Variants in BNC2 observed in about 807,000 individuals in gnomAD.
BNC2 encodes the protein zinc finger protein basonuclin-2.
BNC2 carries 20 observed loss-of-function variants against 76.3 expected under a neutral mutation model. That is an observed-to-expected ratio of 0.26 (90% CI 0.18 to 0.38). BNC2 has a LOEUF of 0.38. Ranked by LOEUF, BNC2 falls within the 10% of genes least tolerant of loss-of-function variation. The probability of loss-of-function intolerance (pLI) is 1.00; values close to 1 mark genes in which losing one functional copy is unlikely to be tolerated. For missense variants in BNC2, 1,382 were observed against 1,399.8 expected, an observed-to-expected ratio of 0.99 and a Z score of 0.20; for synonymous variants, 582 against 514.8, an observed-to-expected ratio of 1.13 and a Z score of -1.77.
At chr9:16,611,524 A>C (rs981825703) in intron 3 of BNC2, among the ~76,000 whole-genome samples, 2 of 152,184 alleles carry the variant, frequency 1.3e-5, no homozygotes, top group African/African-American at 2.4e-5. Flanking sequence ...AATTTAGAAT[A>C]CTTGTTGCTG....
chr9:16,698,949 C>A lies in BNC2; in HGVS notation c.330+28848G>T, dbSNP rs151236738. ...TCAGATCTGCCCTATGAACACATAT[C>A]CTTTTGTACAGAAGTTGTATTTAAA... On this transcript the variant is annotated intron_variant, in intron 3 of 6. Transcript: ENST00000380672. Among the ~76,000 whole-genome samples the A allele has an allele frequency of 1.4e-3, 218 of 152,230 alleles. 2 individuals are homozygous for A. Among genetic ancestry groups the A allele is most frequent in the African/African-American group, 4.9e-3 (202 of 41,534 alleles).
At chr9:16,508,733 C>T (rs1822687516) in intron 5 of BNC2, among the ~76,000 whole-genome samples, 1 of 152,068 alleles carries the variant, frequency 6.6e-6, no homozygotes, top group South Asian at 2.1e-4. Flanking sequence ...CAACTATCTG[C>T]TTTTCTTCTA....
intron 1 of BNC2, among the ~76,000 whole-genome samples, chr9:16,775,034 G>C (rs1415389399): frequency 6.6e-6 from 1 of 152,094 alleles, no homozygotes; most frequent in Non-Finnish European, 1.5e-5. Flanking sequence ...ATTATTTCTA[G>C]GTTCCTTTAG....
chr9:16,446,995 T>C (rs1195673030), intron 5 of BNC2, among the ~76,000 whole-genome samples: 1 of 152,134 alleles, frequency 6.6e-6, no homozygotes, highest in Non-Finnish European at 1.5e-5. Context: ...AAGGAGTAAA[T>C]TACTTTCTGC....
chr9:16,585,726 C>T (rs1819749966), intron 3 of BNC2, among the ~76,000 whole-genome samples: 1 of 152,092 alleles, frequency 6.6e-6, no homozygotes, highest in Non-Finnish European at 1.5e-5. Flanking sequence ...TATCATAAAA[C>T]TATCAAAACC....
At chr9:16,743,134 T>C (rs1305020007) in intron 1 of BNC2, among the ~76,000 whole-genome samples, 2 of 152,134 alleles carry the variant, frequency 1.3e-5, no homozygotes, top group African/African-American at 4.8e-5. Context: ...GAAATAAAAA[T>C]CGGTGGAAAC....
chr9:16,722,452 T>A (rs1410348618), intron 3 of BNC2, among the ~76,000 whole-genome samples: 1 of 152,212 alleles, frequency 6.6e-6, no homozygotes, highest in Non-Finnish European at 1.5e-5. Flanking sequence ...AATGTGAATA[T>A]ACACTCATAA....
chr9:16,453,616 A>T (rs1004765277), intron 5 of BNC2, among the ~76,000 whole-genome samples: 1 of 152,072 alleles, frequency 6.6e-6, no homozygotes, highest in Non-Finnish European at 1.5e-5. Context: ...TGCTTTTTCT[A>T]AAGTGCACCT....
rs145404416 is a variant in BNC2 at position 16,633,228 on chromosome 9, A to G, written c.331-50143T>C. On this transcript the variant is annotated intron_variant, in intron 3 of 6. Transcript: ENST00000380672. ...CGTCTAAGAAGAGAAAAAACTCTCT[A>G]TTTACTGAAATACGATGGCCCTGTA... Among the ~76,000 whole-genome samples, 453 of 152,284 alleles carry G rather than the reference A, an allele frequency of 3.0e-3. 4 individuals carry two copies. Among genetic ancestry groups the G allele is most frequent in the African/African-American group, 0.01 (426 of 41,578 alleles).
intron 4 of BNC2, among the ~76,000 whole-genome samples, chr9:16,561,777 G>C (rs746461570): frequency 6.6e-6 from 1 of 152,104 alleles, no homozygotes; most frequent in Admixed American, 6.5e-5. Flanking sequence ...GCTGAGCCAG[G>C]TGGATTGTTT....
intron 5 of BNC2, among the ~76,000 whole-genome samples, chr9:16,479,952 C>A (rs1006393550): frequency 6.6e-6 from 1 of 152,032 alleles, no homozygotes; most frequent in Non-Finnish European, 1.5e-5. Flanking sequence ...ACTTGTGGTC[C>A]CCCATGAATC....
chr9:16,583,202 C>A, intron 3 of BNC2, 117 bp from the exon 4 acceptor site: 2 of 827,666 alleles, frequency 2.4e-6, no homozygotes, highest in Non-Finnish European at 3.9e-6. Flanking sequence ...TGGTAGGGGC[C>A]TGGAGAGTTT....
chr9:16,463,755 A>G (rs1228122610), intron 5 of BNC2, among the ~76,000 whole-genome samples: 3 of 152,046 alleles, frequency 2.0e-5, no homozygotes, highest in African/African-American at 7.3e-5. Context: ...AAAATTCACA[A>G]CTGAAAAAGA....
intron 1 of BNC2, among the ~76,000 whole-genome samples, chr9:16,828,625 A>C (rs909565992): frequency 1.3e-5 from 2 of 152,208 alleles, no homozygotes; most frequent in Non-Finnish European, 2.9e-5. Context: ...AGAGAAAAAA[A>C]AAGTGTCACA....
intron 1 of BNC2, among the ~76,000 whole-genome samples, chr9:16,769,561 C>A (rs1487258115): frequency 1.3e-5 from 2 of 152,122 alleles, no homozygotes; most frequent in East Asian, 1.9e-4. Flanking sequence ...GGAGGCCATG[C>A]AGCTTAAAGG....
At chr9:16,625,178 T>G (rs534983143) in intron 3 of BNC2, among the ~76,000 whole-genome samples, 2 of 152,336 alleles carry the variant, frequency 1.3e-5, no homozygotes, top group East Asian at 3.9e-4. Context: ...TATGCATTAG[T>G]CAAATTATGA....
intron 1 of BNC2, among the ~76,000 whole-genome samples, chr9:16,745,157 A>G (rs1448693917): frequency 6.6e-6 from 1 of 152,228 alleles, no homozygotes; most frequent in Non-Finnish European, 1.5e-5. Flanking sequence ...AAACATTTTT[A>G]TTAGTGCAAA....
At chr9:16,636,239 T>C (rs1193124210) in intron 3 of BNC2, among the ~76,000 whole-genome samples, 3 of 152,040 alleles carry the variant, frequency 2.0e-5, no homozygotes, top group Non-Finnish European at 4.4e-5. Flanking sequence ...TCTGCTAACA[T>C]AAAAATAAGA....
chr9:16,412,998 G>A lies in BNC2; in HGVS notation c.*5991C>T, dbSNP rs976644717. ...AGAGAGGGTGTTGTCTGCTGTTAGT[G>A]TGACAGTCTTGTCAGCAGCGTTCAC... On this transcript the variant is annotated 3_prime_UTR_variant, in exon 7 of 7. Coordinates refer to ENST00000380672, the MANE Select transcript of BNC2 (RefSeq NM_017637.6). 21 of 152,660 alleles carry A rather than the reference G, an allele frequency of 1.4e-4. No individual in the cohort carries two copies. The highest frequency in any genetic ancestry group is 4.6e-4 in the African/African-American group (19 of 41,442). 9.5% of individuals were successfully genotyped at this position (152,660 alleles called of 1,614,324 possible). A position where few individuals can be genotyped will look rare whatever the true frequency, so the allele number is the denominator to read the frequency against.
Sources: allele counts gnomAD v4.1 joint callset (sites outside exome capture counted in the v4.1 genomes callset), GRCh38; gene constraint gnomAD v4.1.1; transcripts MANE v1.5; gene names NCBI Gene and HGNC (gene_info 2026-07-23, HGNC 2026-07-21).